Variants in SCLT1 observed in about 807,000 individuals in gnomAD.
SCLT1 encodes the protein sodium channel and clathrin linker 1.
SCLT1 carries 78 observed loss-of-function variants against 112.8 expected under a neutral mutation model. The observed-to-expected ratio is 0.69, with a 90% CI of 0.58 to 0.83. The LOEUF (loss-of-function observed/expected upper bound fraction) is 0.83, where lower values mean the gene tolerates loss of function less well. Among genes scored for constraint, SCLT1 ranks in the 40% least tolerant of loss-of-function variants. SCLT1 has a pLI of 0.00. For synonymous variants in SCLT1, 257 were observed against 254.7 expected (o/e 1.01, Z -0.09); for missense variants, 747 against 770.4 (o/e 0.97, Z 0.36).
At position 128,999,731 on chromosome 4, in the gene SCLT1, G is replaced by A. The variant is rs777780729; in HGVS notation, c.490C>T (p.Leu164Phe). ...VSQELDRLHK[L>F]YQEHMTEAQI... ...GCCTCAGTCATATGTTCCTGGTAAA[G>A]CTTGTGTAGTCTGTCCAACTCCTGA... is the stretch of plus-strand genomic sequence containing the variant. The change falls in exon 7 of 21, where the codon CTT becomes TTT. Residue 164 changes from leucine to phenylalanine, a missense_variant. Leu to Phe is a conservative substitution (Grantham distance 22, BLOSUM62 0). This residue lies in a region of SCLT1 where 723 missense variants were observed against 721.3 expected (regional missense o/e 1.00). Coordinates refer to ENST00000281142, the MANE Select transcript of SCLT1 (RefSeq NM_144643.4). 1.9e-6 allele frequency: 3 copies of A among 1,606,518 alleles called. No homozygotes were observed. Among genetic ancestry groups the A allele is most frequent in the Non-Finnish European group, 2.6e-6 (3 of 1,174,620 alleles).
At chr4:129,000,275 A>G (rs1432295717) in intron 6 of SCLT1, among the ~76,000 whole-genome samples, 1 of 152,022 alleles carries the variant, frequency 6.6e-6, no homozygotes, top group Non-Finnish European at 1.5e-5. Context: ...TAATATCTAG[A>G]TAAATCATCT....
intron 14 of SCLT1, 60 bp downstream of exon 14, chr4:128,952,709 A>G: frequency 3.2e-6 from 3 of 925,776 alleles, no homozygotes; most frequent in East Asian, 2.4e-5. Flanking sequence ...CCAATAGTAT[A>G]TATCTTGGCC....
rs188789171 is a variant in SCLT1, at chr4:129,011,937, T to C, written c.291-8061A>G. On this transcript the variant is annotated intron_variant, in intron 5 of 20. Transcript: ENST00000281142. Reference sequence around the variant, plus strand: ...TGAATCTTCTCTCTTTTCTTCTTTATTAGTCTAGCTAATGGTCTATTTTAT... The same window carrying C: ...TGAATCTTCTCTCTTTTCTTCTTTACTAGTCTAGCTAATGGTCTATTTTAT... Among the ~76,000 whole-genome samples, 736 of 152,286 alleles carry C rather than the reference T, an allele frequency of 4.8e-3. 4 individuals are homozygous for C. The highest frequency in any genetic ancestry group is 0.016 in the African/African-American group (666 of 41,568).
chr4:128,938,423 A>AT lies in SCLT1; in HGVS notation c.1633-1573dup, dbSNP rs200879690. On this transcript the variant is annotated intron_variant, in intron 17 of 20. Transcript: ENST00000281142. The stretch of plus-strand genomic sequence containing the variant: ...TACACATGCAGAAATTGAAGACTTT[A>AT]TAAATACAGACACTGGAAAACCAAT... 7.2e-5 allele frequency among the ~76,000 whole-genome samples: 11 copies of AT among 152,354 alleles called. No homozygotes were observed. In the East Asian group the frequency reaches 1.7e-3, roughly 24 times the overall value.
chr4:128,905,260 A>T (rs191573693), intron 18 of SCLT1, among the ~76,000 whole-genome samples: 2 of 152,154 alleles, frequency 1.3e-5, no homozygotes, highest in Non-Finnish European at 2.9e-5. Context: ...TTTTTCCTTC[A>T]TGCCCTATAT....
intron 18 of SCLT1, among the ~76,000 whole-genome samples, chr4:128,904,346 T>A: frequency 6.6e-6 from 1 of 152,296 alleles, no homozygotes; most frequent in Admixed American, 6.5e-5. Flanking sequence ...TTACTCATCC[T>A]TACAAAACAT....
intron 16 of SCLT1, 110 bp from the exon 17 acceptor site, chr4:128,943,298 C>T (rs369847613): frequency 1.4e-6 from 1 of 721,380 alleles, no homozygotes. Flanking sequence ...TATTCTGAGC[C>T]ATTTCTTTCC....
chr4:129,043,343 T>C, intron 4 of SCLT1, 52 bp downstream of exon 4: 1 of 977,858 alleles, frequency 1.0e-6, no homozygotes, highest in East Asian at 2.5e-5. Context: ...CTATTTTACT[T>C]TTTATTTTCA....
chr4:128,912,012 A>G (rs530464840), intron 18 of SCLT1, among the ~76,000 whole-genome samples: 2 of 152,346 alleles, frequency 1.3e-5, no homozygotes, highest in Non-Finnish European at 2.9e-5. Context: ...TAATGCACAC[A>G]GAGAAGCAGG....
In SCLT1 at chr4:128,936,786, C is replaced by A. The variant is rs1347846930; in HGVS notation, c.1698G>T (p.Met566Ile). ...CAATGGAATTTCTATTACTGTCTTC[C>A]ATCTCTCTCAATTGAACTTCAAATC... ...ERGFEVQLRE[M>I]EDSNRNSIVE... Residue 566 changes from methionine to isoleucine, a missense_variant, in exon 18 of 21, where the codon ATG (methionine) becomes ATT (isoleucine). Coordinates refer to ENST00000281142, the MANE Select transcript of SCLT1 (RefSeq NM_144643.4). 4 of 1,608,020 alleles carry A rather than the reference C, an allele frequency of 2.5e-6. No homozygotes were observed. The Admixed American group carries it at 6.7e-5, about 27-fold the overall frequency.
intron 5 of SCLT1, among the ~76,000 whole-genome samples, chr4:129,024,275 G>GT (rs1745796065): frequency 6.6e-6 from 1 of 152,194 alleles, no homozygotes; most frequent in Admixed American, 6.5e-5. Flanking sequence ...TGACCCCTGA[G>GT]CAGCCTAACT....
intron 2 of SCLT1, among the ~76,000 whole-genome samples, chr4:129,076,746 C>T (rs1751499587): frequency 6.6e-6 from 1 of 151,916 alleles, no homozygotes; most frequent in Non-Finnish European, 1.5e-5. Flanking sequence ...GCTTCTTAAG[C>T]AAATCTTTTT....
chr4:128,895,436 C>T (rs1733664192), intron 18 of SCLT1, among the ~76,000 whole-genome samples: 1 of 152,192 alleles, frequency 6.6e-6, no homozygotes, highest in African/African-American at 2.4e-5. Context: ...CTCTCACTGT[C>T]TCGAAAACAA....
chr4:129,026,607 C>T (rs889793201), intron 5 of SCLT1, among the ~76,000 whole-genome samples: 1 of 151,750 alleles, frequency 6.6e-6, no homozygotes, highest in African/African-American at 2.4e-5. Flanking sequence ...AGGAAAGATC[C>T]AAAATTGACA....
intron 7 of SCLT1, among the ~76,000 whole-genome samples, chr4:128,999,248 T>C (rs1025099016): frequency 6.6e-6 from 1 of 151,988 alleles, no homozygotes; most frequent in Non-Finnish European, 1.5e-5. Context: ...CAGGTCACAT[T>C]TAAGGGTATT....
chr4:128,884,363 C>A lies in SCLT1; in HGVS notation c.*114G>T. 1.6e-6 allele frequency: 1 copy of A among 640,794 alleles called. No individual in the cohort carries two copies. Among genetic ancestry groups the A allele is most frequent in the South Asian group, 2.0e-5 (1 of 48,986 alleles). The allele number at this position is 640,794 out of a possible 1,614,324, so 39.7% of individuals were successfully genotyped here. ...CCTCAAAACAGAACAACAATGCTTA[C>A]GCGAAATAACACAAGCCTTAACTAT... On this transcript the variant is annotated 3_prime_UTR_variant, in exon 21 of 21. Transcript: ENST00000281142.
intron 15 of SCLT1, among the ~76,000 whole-genome samples, 191 bp downstream of exon 15, chr4:128,948,305 C>T (rs546013286): frequency 3.4e-4 from 45 of 134,310 alleles, no homozygotes; most frequent in African/African-American, 1.2e-3. Context: ...CACTGCAATC[C>T]AGCCTGGGTG....
At chr4:128,941,106 AG>A (rs1737657426) in intron 17 of SCLT1, among the ~76,000 whole-genome samples, 1 of 152,110 alleles carries the variant, frequency 6.6e-6, no homozygotes, top group Non-Finnish European at 1.5e-5. Context: ...TTTAGATAAA[AG>A]CATGGGAAAA....
At chr4:129,020,031 T>A (rs565107948) in intron 5 of SCLT1, among the ~76,000 whole-genome samples, 6 of 152,292 alleles carry the variant, frequency 3.9e-5, no homozygotes, top group African/African-American at 1.4e-4. Context: ...TAAAATTTTA[T>A]ATCATCTGGT....
Sources: allele counts gnomAD v4.1 joint callset (sites outside exome capture counted in the v4.1 genomes callset), GRCh38; gene constraint gnomAD v4.1.1; regional missense constraint gnomAD v4.1.1; transcripts MANE v1.5; gene names NCBI Gene and HGNC (gene_info 2026-07-23, HGNC 2026-07-21).